TRAF1: variants seen among roughly 807,000 people sequenced by gnomAD.
TRAF1 encodes TNF receptor-associated factor 1.
In TRAF1, 23 loss-of-function variants were observed where a neutral mutation model predicts 40.9. The observed-to-expected ratio is 0.56, with a 90% CI of 0.40 to 0.80. The LOEUF (loss-of-function observed/expected upper bound fraction) is 0.80. TRAF1 is among the 30% of genes least tolerant of loss of function. TRAF1 has a pLI of 0.00. For synonymous variants in TRAF1, 206 were observed against 218.8 expected (o/e 0.94, Z 0.52); for missense variants, 477 against 528.7 (o/e 0.90, Z 0.96).
chr9:120,911,490 C>T lies in TRAF1; in HGVS notation c.729G>A (p.Leu243=), dbSNP rs992299836. ...TGCCCAGGGCCTGGTCTTTCTGGGC[C>T]AGGGTCTGCTGAAGCTCCACCACCT... ...EQRVVELQQT[L]AQKDQALGKL... is the part of the protein sequence containing the mutation. The change falls in exon 6 of 8, where the codon CTG becomes CTA. Residue 243 remains leucine, a synonymous_variant. Coordinates refer to ENST00000373887, the MANE Select transcript of TRAF1 (RefSeq NM_005658.5). 11 of 1,612,650 alleles carry T rather than the reference C, an allele frequency of 6.8e-6. No homozygotes were observed. The highest frequency in any genetic ancestry group is 8.5e-6 in the Non-Finnish European group (10 of 1,179,522).
chr9:120,913,550 C>T lies in TRAF1; in HGVS notation c.483G>A (p.Glu161=). Residue 161 remains glutamate, a synonymous_variant, in exon 5 of 8, where the codon GAG becomes GAA. Transcript: ENST00000373887. ...AGCAGGGTGCCCGGTAGCAATCGAC[C>T]TCCAGGTCCCCCGCCACTTCCACGG... ...QAAVEVAGDL[E]VDCYRAPCSE... 3 of 1,613,556 alleles carry T rather than the reference C, an allele frequency of 1.9e-6. No individual in the cohort carries two copies. Among genetic ancestry groups the T allele is most frequent in the East Asian group, 2.2e-5 (1 of 44,878 alleles).
intron 3 of TRAF1, among the ~76,000 whole-genome samples, chr9:120,919,849 A>G (rs2046593653): frequency 1.3e-5 from 2 of 152,210 alleles, no homozygotes; most frequent in Admixed American, 1.3e-4. Context: ...TGAAACATTT[A>G]GGGGAGGATT....
At position 120,922,743 on chromosome 9, in the gene TRAF1, C is replaced by T. The variant is rs191850905; in HGVS notation, c.228+962G>A. 1.4e-3 allele frequency among the ~76,000 whole-genome samples: 211 copies of T among 152,268 alleles called. 3 individuals carry two copies. The highest frequency in any genetic ancestry group is 3.7e-3 in the East Asian group (19 of 5,184). The stretch of plus-strand genomic sequence containing the variant: ...CCATCTAGATGAGGAGTTTGCTAAC[C>T]TTTTTTATGTAAAGGGGTGGATAGT... On this transcript the variant is annotated intron_variant, in intron 3 of 7. Coordinates refer to ENST00000373887, the MANE Select transcript of TRAF1 (RefSeq NM_005658.5).
intron 3 of TRAF1, among the ~76,000 whole-genome samples, chr9:120,922,628 T>C (rs936872091): frequency 2.6e-5 from 4 of 152,122 alleles, no homozygotes; most frequent in Non-Finnish European, 4.4e-5. Context: ...CAAATGTGTC[T>C]CTTATTCCTA....
intron 6 of TRAF1, 50 bp from the exon 7 acceptor site, chr9:120,909,428 G>T: frequency 6.3e-7 from 1 of 1,596,226 alleles, no homozygotes; most frequent in Non-Finnish European, 8.5e-7. Context: ...CTTTGCAGAT[G>T]TGGGACTGGG....
chr9:120,912,984 G>A (rs919609752), intron 5 of TRAF1, among the ~76,000 whole-genome samples: 3 of 152,218 alleles, frequency 2.0e-5, no homozygotes, highest in Admixed American at 6.5e-5. Context: ...GAGGGGCAGG[G>A]CCAGGAACAA....
intron 3 of TRAF1, among the ~76,000 whole-genome samples, chr9:120,914,870 C>G (rs896329333): frequency 4.6e-5 from 7 of 152,184 alleles, no homozygotes; most frequent in African/African-American, 1.7e-4. Flanking sequence ...ATTATAATAG[C>G]AATTTGACCC....
intron 7 of TRAF1, among the ~76,000 whole-genome samples, chr9:120,906,458 C>A (rs1215144948): frequency 1.3e-5 from 2 of 152,120 alleles, no homozygotes; most frequent in Non-Finnish European, 2.9e-5. Flanking sequence ...GAATTACAGG[C>A]GTGCGCCACC....
rs1283685475 is a variant in TRAF1 at position 120,903,549 on chromosome 9, G to C, written c.*1471C>G. ...CTAACGATTTGAGCAATGGAGTCTGGCACAGGCTCAGCAGGTGGAGGAAGA... is the reference window on the plus strand; with the variant it reads ...CTAACGATTTGAGCAATGGAGTCTGCCACAGGCTCAGCAGGTGGAGGAAGA... On this transcript the variant is annotated 3_prime_UTR_variant, in exon 8 of 8. Transcript: ENST00000373887. The C allele has an allele frequency of 1.3e-5, 2 of 152,692 alleles. No homozygotes were observed. Among genetic ancestry groups the C allele is most frequent in the African/African-American group, 4.8e-5 (2 of 41,458 alleles). The allele number at this position is 152,692 out of a possible 1,614,324, so 9.5% of individuals were successfully genotyped here. A position where few individuals can be genotyped will look rare whatever the true frequency, so the allele number is the denominator to read the frequency against.
In TRAF1 at chr9:120,925,924, C is replaced by A; in HGVS notation, c.140+12G>T. 1 of 1,613,890 alleles carries A rather than the reference C, an allele frequency of 6.2e-7. No individual in the cohort carries two copies. ...CACTTTCTGCCCACCCTCCGCTCCT[C>A]CATCACCTCACCTCGGGTTCTCAGA... On this transcript the variant is annotated intron_variant, in intron 2 of 7. Coordinates refer to ENST00000373887, the MANE Select transcript of TRAF1 (RefSeq NM_005658.5).
chr9:120,906,729 T>A (rs952901451), intron 7 of TRAF1, among the ~76,000 whole-genome samples: 4 of 152,204 alleles, frequency 2.6e-5, no homozygotes, highest in Non-Finnish European at 5.9e-5. Context: ...TTTTGACAAA[T>A]GCATAAGGAC....
chr9:120,913,412 C>T lies in TRAF1; in HGVS notation c.621G>A (p.Glu207=). The change falls in exon 5 of 8, where the codon GAG becomes GAA. Residue 207 remains glutamate (E), a synonymous_variant. Transcript: ENST00000373887. ...CCAGGGCCAGGTGGGAGGCCTCCAC[C>T]TCCTTGTTGAGGACAGCAACAATGT... ...FENIVAVLNK[E]VEASHLALAT... The T allele has an allele frequency of 1.2e-6, 2 of 1,613,990 alleles. No homozygotes were observed. The highest frequency in any genetic ancestry group is 1.7e-6 in the Non-Finnish European group (2 of 1,180,028).
At chr9:120,905,912 C>A (rs1474391914) in intron 7 of TRAF1, among the ~76,000 whole-genome samples, 2 of 152,234 alleles carry the variant, frequency 1.3e-5, no homozygotes, top group African/African-American at 4.8e-5. Flanking sequence ...GCGGAGACTT[C>A]ATCCTGATGC....
intron 2 of TRAF1, among the ~76,000 whole-genome samples, chr9:120,924,415 G>A (rs1419306728): frequency 6.6e-6 from 1 of 151,612 alleles, no homozygotes; most frequent in Non-Finnish European, 1.5e-5. Flanking sequence ...TCTGTTTTTT[G>A]GGGGTTTTTC....
At chr9:120,928,139 C>A (rs991161991), upstream of TRAF1, 1 of 152,286 alleles carries the variant, frequency 6.6e-6, no homozygotes, top group Admixed American at 6.5e-5. Flanking sequence ...ATCATCCCCA[C>A]CTTACAGATG....
At chr9:120,923,896 C>G in intron 2 of TRAF1, 104 bp from the exon 3 acceptor site, 2 of 991,752 alleles carry the variant, frequency 2.0e-6, no homozygotes, top group East Asian at 2.4e-5. Context: ...GGGTGGTGAT[C>G]ATGTACGTCC....
chr9:120,909,393 C>A lies in TRAF1; in HGVS notation c.884-15G>T. ...AGTGTAGAAGGCTGAAACGCAGAAG[C>A]CAGAGGCAGTTGGGAAGTGCTGGAC... is the stretch of plus-strand genomic sequence containing the variant. On this transcript the variant is annotated splice_polypyrimidine_tract_variant and intron_variant, in intron 6 of 7. Coordinates refer to ENST00000373887, the MANE Select transcript of TRAF1 (RefSeq NM_005658.5). The A allele has an allele frequency of 6.2e-7, 1 of 1,611,764 alleles. No individual in the cohort carries two copies. The highest frequency in any genetic ancestry group is 8.5e-7 in the Non-Finnish European group (1 of 1,179,672).
Position 120,911,455 on chromosome 9 carries a change from T to G in TRAF1, c.764A>C (p.Gln255Pro). 2 of 1,613,516 alleles carry G rather than the reference T, an allele frequency of 1.2e-6. No homozygotes were observed. The highest frequency in any genetic ancestry group is 1.7e-6 in the Non-Finnish European group (2 of 1,180,016). ...QKDQALGKLE[Q>P]SLRLMEEASF... ...GGCCTCCTCCATGAGGCGCAAGCTC[T>G]GCTCCAGCTTGCCCAGGGCCTGGTC... Residue 255 changes from glutamine (Q) to proline (P), a missense_variant, in exon 6 of 8, where the codon CAG becomes CCG. Gln to Pro is a moderately conservative substitution (Grantham distance 76). Coordinates refer to ENST00000373887, the MANE Select transcript of TRAF1 (RefSeq NM_005658.5).
At position 120,926,166 on chromosome 9, in the gene TRAF1, T is replaced by C. The variant is rs2046639557; in HGVS notation, c.-91A>G. 1 of 1,359,240 alleles carries C rather than the reference T, an allele frequency of 7.4e-7. No homozygotes were observed. The highest frequency in any genetic ancestry group is 3.1e-5 in the Admixed American group (1 of 32,700). 84.2% of individuals were successfully genotyped at this position (1,359,240 alleles called of 1,614,324 possible). A position where few individuals can be genotyped will look rare whatever the true frequency, so the allele number is the denominator to read the frequency against. ...GAGTCCTGGCCTGGGCCTCACTCTCTGGTGAGTAGGAGCTCTGATGACTTT... is the reference window on the plus strand; with the variant it reads ...GAGTCCTGGCCTGGGCCTCACTCTCCGGTGAGTAGGAGCTCTGATGACTTT... On this transcript the variant is annotated 5_prime_UTR_variant, in exon 2 of 8. Coordinates refer to ENST00000373887, the MANE Select transcript of TRAF1 (RefSeq NM_005658.5).
Sources: allele counts gnomAD v4.1 joint callset (sites outside exome capture counted in the v4.1 genomes callset), GRCh38; gene constraint gnomAD v4.1.1; transcripts MANE v1.5; gene names NCBI Gene and HGNC (gene_info 2026-07-23, HGNC 2026-07-21).